The following CD6 variants were observed in gnomAD, a reference collection of about 807,000 sequenced individuals.
CD6 encodes the protein T-cell differentiation antigen CD6.
In CD6, 53 loss-of-function variants were observed where a neutral mutation model predicts 75.3. That is an observed-to-expected ratio of 0.70 (90% CI 0.56 to 0.88). The LOEUF is 0.88. Ranked by LOEUF, CD6 falls within the 40% of genes least tolerant of loss-of-function variation. The pLI, the probability that CD6 is intolerant of heterozygous loss-of-function variation, is 0.00. For missense variants in CD6, 770 were observed against 897.1 expected, an observed-to-expected ratio of 0.86 and a Z score of 1.81; for synonymous variants, 359 against 381.5, an observed-to-expected ratio of 0.94 and a Z score of 0.69.
Position 61,018,031 on chromosome 11 carries a change from C to A in CD6, c.1837+18C>A. ...CTTTTCAGGTAAGCTGTGCCTCCCCCAAACCCCCATCCCATAGCCAGCCTG... is the reference window on the plus strand; with the variant it reads ...CTTTTCAGGTAAGCTGTGCCTCCCCAAAACCCCCATCCCATAGCCAGCCTG... On this transcript the variant is annotated intron_variant, in intron 11 of 12. Transcript: ENST00000313421. 1.2e-6 allele frequency: 2 copies of A among 1,608,214 alleles called. No individual in the cohort carries two copies. Among genetic ancestry groups the A allele is most frequent in the Non-Finnish European group, 1.7e-6 (2 of 1,178,950 alleles).
chr11:61,016,165 G>C (rs565653143), intron 9 of CD6, among the ~76,000 whole-genome samples: 19 of 152,296 alleles, frequency 1.2e-4, no homozygotes, highest in Admixed American at 2.6e-4. Context: ...GTGCGGATGA[G>C]AGACACAGTT....
At chr11:61,011,531 T>G (rs2135185030) in intron 6 of CD6, among the ~76,000 whole-genome samples, 1 of 152,320 alleles carries the variant, frequency 6.6e-6, no homozygotes, top group South Asian at 2.1e-4. Context: ...AGCCCTGTGT[T>G]CATAACCGGC....
At position 60,971,880 on chromosome 11, in the gene CD6, C is replaced by T. The variant is rs953639732; in HGVS notation, c.15C>T (p.Phe5=). The change falls in exon 1 of 13, where the codon TTC becomes TTT. Residue 5 remains phenylalanine, a synonymous_variant. Coordinates refer to ENST00000313421, the MANE Select transcript of CD6 (RefSeq NM_006725.5). The part of the protein sequence containing the change: MWLF[F]GITGLLTAAL... ...CAGCTCCAGACATGTGGCTCTTCTT[C>T]GGGATCACTGGATTGCTGACGGCAG... 1.5e-5 allele frequency: 25 copies of T among 1,613,994 alleles called. No homozygotes were observed. Among genetic ancestry groups the T allele is most frequent in the Non-Finnish European group, 1.9e-5 (23 of 1,179,962 alleles).
intron 1 of CD6, among the ~76,000 whole-genome samples, chr11:61,004,243 C>T (rs1401319085): frequency 1.3e-5 from 2 of 152,122 alleles, no homozygotes; most frequent in Non-Finnish European, 2.9e-5. Context: ...CATATGCACA[C>T]ACCTCACAGT....
At position 61,018,527 on chromosome 11, in the gene CD6, C is replaced by T. The variant is rs1446044908; in HGVS notation, c.1942+134C>T. 8.6e-6 allele frequency: 5 copies of T among 584,530 alleles called. No individual in the cohort carries two copies. The African/African-American group carries it at 1.1e-4, about 12-fold the overall frequency. 36.2% of individuals were successfully genotyped at this position (584,530 alleles called of 1,614,324 possible). On this transcript the variant is annotated intron_variant, in intron 12 of 12. Coordinates refer to ENST00000313421, the MANE Select transcript of CD6 (RefSeq NM_006725.5). ...GGGTAAAAGAAGAGAGGGAAAGTAA[C>T]TTTTTAAAAAACAAAGCAAGGCCAG...
Position 61,020,002 on chromosome 11 carries a change from C to T in CD6, c.*684C>T, listed in dbSNP as rs908245391. 41 of 396,966 alleles carry T rather than the reference C, an allele frequency of 1.0e-4. No homozygotes were observed. Among genetic ancestry groups the T allele is most frequent in the Middle Eastern group, 6.2e-4 (1 of 1,606 alleles). The allele number at this position is 396,966 out of a possible 1,614,324, so 24.6% of individuals were successfully genotyped here. A position where few individuals can be genotyped will look rare whatever the true frequency, so the allele number is the denominator to read the frequency against. On this transcript the variant is annotated 3_prime_UTR_variant, in exon 13 of 13. Coordinates refer to ENST00000313421, the MANE Select transcript of CD6 (RefSeq NM_006725.5). ...TCCTGCCCCAGAGACACTCCAAGTC[C>T]GCCAGGGGCACAGACCAGTTCTGCA...
chr11:61,007,801 T>C lies in CD6; in HGVS notation c.360T>C (p.Thr120=). ...AGNTSVAANA[T]LAGAPALLCS... ...ACACCAGCGTAGCAGCTAATGCCAC[T>C]CTGGCCGGGGCGCCCGCCCTCCTGT... Residue 120 remains threonine (T), a synonymous_variant, in exon 3 of 13, where the codon ACT becomes ACC. Coordinates refer to ENST00000313421, the MANE Select transcript of CD6 (RefSeq NM_006725.5). This position sits in a 1 kb window ranked among gnomAD's most constrained non-coding sequence, Gnocchi z 4.2. 6.8e-7 allele frequency: 1 copy of C among 1,474,982 alleles called. No homozygotes were observed. Among genetic ancestry groups the C allele is most frequent in the Non-Finnish European group, 9.0e-7 (1 of 1,116,562 alleles). The allele number at this position is 1,474,982 out of a possible 1,614,324, so 91.4% of individuals were successfully genotyped here. A position where few individuals can be genotyped will look rare whatever the true frequency, so the allele number is the denominator to read the frequency against.
chr11:61,013,702 C>T, intron 7 of CD6, 139 bp downstream of exon 7: 2 of 961,676 alleles, frequency 2.1e-6, no homozygotes, highest in Non-Finnish European at 3.2e-6. Context: ...AGGATTTTCC[C>T]AGCATGCCCA....
At chr11:61,006,747 T>G in intron 2 of CD6, 105 bp downstream of exon 2, 1 of 913,976 alleles carries the variant, frequency 1.1e-6, no homozygotes, top group Non-Finnish European at 1.7e-6. Flanking sequence ...GGAGGCTCCC[T>G]GACTTCAGAC....
chr11:60,985,844 C>G (rs539656474), intron 1 of CD6, among the ~76,000 whole-genome samples: 1 of 152,308 alleles, frequency 6.6e-6, no homozygotes, highest in East Asian at 1.9e-4. Context: ...TAAGTAGCAG[C>G]ACAATGAGAC....
intron 1 of CD6, among the ~76,000 whole-genome samples, chr11:60,988,664 A>T (rs1244304352): frequency 6.6e-6 from 1 of 152,116 alleles, no homozygotes; most frequent in Non-Finnish European, 1.5e-5. Flanking sequence ...ATGGATGCTG[A>T]TGATGTCTGA....
At chr11:60,990,609 A>G (rs986372283) in intron 1 of CD6, among the ~76,000 whole-genome samples, 3 of 152,044 alleles carry the variant, frequency 2.0e-5, no homozygotes, top group African/African-American at 7.2e-5. Flanking sequence ...TCAGATCTAT[A>G]TTAATAAGAA....
intron 1 of CD6, chr11:60,982,558 G>C: frequency 2.2e-6 from 1 of 455,902 alleles, no homozygotes; most frequent in Admixed American, 2.3e-5. Context: ...GCCTGGAGGA[G>C]GCCCGTTCCC....
Position 61,007,140 on chromosome 11 carries a change from G to A in CD6, c.119-420G>A, listed in dbSNP as rs1236673681. Among the ~76,000 whole-genome samples, 2 of 152,112 alleles carry A rather than the reference G, an allele frequency of 1.3e-5. No homozygotes were observed. Among genetic ancestry groups the A allele is most frequent in the African/African-American group, 4.8e-5 (2 of 41,408 alleles). Reference sequence around the variant, plus strand: ...TCCTCCAAGGTTCCCTAGTCACTGTGACAGCCTCTAGGACAGTACCCTCAG... The same window carrying A: ...TCCTCCAAGGTTCCCTAGTCACTGTAACAGCCTCTAGGACAGTACCCTCAG... On this transcript the variant is annotated intron_variant, in intron 2 of 12. Transcript: ENST00000313421. This position sits in a 1 kb window ranked among gnomAD's most constrained non-coding sequence, Gnocchi z 4.2.
intron 1 of CD6, among the ~76,000 whole-genome samples, chr11:60,994,777 C>G (rs150757410): frequency 1.3e-5 from 2 of 152,302 alleles, no homozygotes; most frequent in Admixed American, 1.3e-4. Flanking sequence ...ACTTGTTCCA[C>G]GTGCTAGGAA....
intron 9 of CD6, among the ~76,000 whole-genome samples, chr11:61,016,158 C>T (rs1280804084): frequency 1.3e-5 from 2 of 152,152 alleles, no homozygotes; most frequent in Admixed American, 6.6e-5. Context: ...CGGGGGAGTG[C>T]GGATGAGAGA....
intron 8 of CD6, among the ~76,000 whole-genome samples, chr11:61,014,624 A>G (rs1215028609): frequency 2.0e-5 from 3 of 151,912 alleles, no homozygotes; most frequent in Admixed American, 1.3e-4. Flanking sequence ...AATCCCAGCT[A>G]CTTGGGAAGC....
rs541081975 is a variant in CD6, at chr11:61,009,555, C to T, written c.782-17C>T. 1.3e-6 allele frequency: 2 copies of T among 1,578,946 alleles called. No homozygotes were observed. The highest frequency in any genetic ancestry group is 2.7e-5 in the African/African-American group (2 of 74,482). On this transcript the variant is annotated splice_polypyrimidine_tract_variant and intron_variant, in intron 4 of 12. Transcript: ENST00000313421. ...AAGGATTCTGACCTGACTCTGTCCC[C>T]TGCCCCTTCCCTGCAGAGCACCAGT...
intron 1 of CD6, among the ~76,000 whole-genome samples, chr11:61,000,372 G>C (rs1590701441): frequency 3.9e-5 from 6 of 152,062 alleles, no homozygotes; most frequent in Admixed American, 3.9e-4. Flanking sequence ...TGCACCACTT[G>C]TAGATTCCAC....
Sources: gnomAD v4.1 joint callset for allele counts (sites outside exome capture counted in the v4.1 genomes callset) on GRCh38, gnomAD v4.1.1 for gene constraint, Gnocchi (gnomAD v3.1) non-coding constraint, MANE v1.5 for transcripts, NCBI Gene and HGNC (gene_info 2026-07-23, HGNC 2026-07-21) for gene names.